The following MICAL2 variants were observed in gnomAD, a reference collection of about 807,000 sequenced individuals.
MICAL2 encodes the protein microtubule associated monooxygenase, calponin and LIM domain containing 2.
In MICAL2, 77 loss-of-function variants were observed where a neutral mutation model predicts 127.3. The observed-to-expected ratio is 0.60, with a 90% CI of 0.50 to 0.73. The LOEUF is 0.73. MICAL2 is among the 30% of genes least tolerant of loss of function. MICAL2 has a pLI of 0.00. For synonymous variants in MICAL2, 570 were observed against 551.1 expected (o/e 1.03, Z -0.48); for missense variants, 1,351 against 1,434.4 (o/e 0.94, Z 0.94).
chr11:12,132,582 G>A (rs960276214), intron 1 of MICAL2, among the ~76,000 whole-genome samples: 1 of 152,252 alleles, frequency 6.6e-6, no homozygotes, highest in Non-Finnish European at 1.5e-5. Context: ...AAAACAAAGA[G>A]AATAGCCATT....
At chr11:12,287,177 C>G (rs1863836254) in exon 3 of MICAL2, 1 of 398,854 alleles carries the variant, frequency 2.5e-6, no homozygotes, top group Admixed American at 4.4e-5. Context: ...GAGTCACTAG[C>G]TCTCTGGGGG....
At chr11:12,281,031 C>T (rs745782444) in exon 2 of MICAL2, 17 of 399,168 alleles carry the variant, frequency 4.3e-5, no homozygotes, top group African/African-American at 3.1e-4. Context: ...CTACCGCACA[C>T]GTCCCTAGGG....
intron 3 of MICAL2, among the ~76,000 whole-genome samples, chr11:12,175,430 T>A (rs1005664399): frequency 6.6e-6 from 1 of 150,854 alleles, no homozygotes; most frequent in South Asian, 2.1e-4. Context: ...GAGCCGAGAT[T>A]GCGCCACTCC....
At chr11:12,166,387 A>G (rs1367272318) in intron 3 of MICAL2, among the ~76,000 whole-genome samples, 4 of 152,232 alleles carry the variant, frequency 2.6e-5, no homozygotes, top group Non-Finnish European at 5.9e-5. Flanking sequence ...GATAGTTTGG[A>G]AGATGAATAA....
chr11:12,240,714 C>T (rs1029202490), intron 17 of MICAL2, among the ~76,000 whole-genome samples: 31 of 152,222 alleles, frequency 2.0e-4, no homozygotes, highest in African/African-American at 7.5e-4. Flanking sequence ...GCCAGCCACC[C>T]TGGCCTAGCC....
intron 3 of MICAL2, among the ~76,000 whole-genome samples, chr11:12,166,140 A>C (rs1248796616): frequency 6.6e-6 from 1 of 152,178 alleles, no homozygotes; most frequent in East Asian, 1.9e-4. Context: ...ATAATCACAA[A>C]ATTTTGGACT....
chr11:12,346,907 A>G (rs1382773271), intron 32 of MICAL2, among the ~76,000 whole-genome samples: 1 of 152,136 alleles, frequency 6.6e-6, no homozygotes, highest in South Asian at 2.1e-4. Context: ...TCCCTTTCTC[A>G]CTTTAGTCCT....
At chr11:12,252,052 C>G (rs1861621096) in intron 22 of MICAL2, among the ~76,000 whole-genome samples, 1 of 152,184 alleles carries the variant, frequency 6.6e-6, no homozygotes, top group Non-Finnish European at 1.5e-5. Flanking sequence ...GGCAGTCACA[C>G]AAGGGGCTGG....
intron 7 of MICAL2, among the ~76,000 whole-genome samples, chr11:12,214,527 G>A (rs1386175817): frequency 6.6e-6 from 1 of 152,202 alleles, no homozygotes; most frequent in African/African-American, 2.4e-5. Context: ...TCAAATTGAT[G>A]TATTGTCACT....
intron 1 of MICAL2, among the ~76,000 whole-genome samples, chr11:12,120,213 T>C (rs1850392829): frequency 1.3e-5 from 2 of 152,208 alleles, no homozygotes; most frequent in Non-Finnish European, 2.9e-5. Context: ...AGCCCTTTGT[T>C]AAAAATACAG....
chr11:12,225,647 C>A (rs1857326596), intron 13 of MICAL2: 1 of 156,044 alleles, frequency 6.4e-6, no homozygotes, highest in Admixed American at 6.3e-5. Flanking sequence ...ACCACCACAC[C>A]CGGCTAATTT....
intron 26 of MICAL2, chr11:12,261,740 AG>A (rs1191239020): frequency 1.0e-6 from 1 of 985,350 alleles, no homozygotes; most frequent in African/African-American, 1.7e-5. Context: ...TGGGAAAAAC[AG>A]AGGCATGGCC....
At chr11:12,209,938 T>C (rs2134170932) in intron 6 of MICAL2, among the ~76,000 whole-genome samples, 1 of 152,234 alleles carries the variant, frequency 6.6e-6, no homozygotes, top group Non-Finnish European at 1.5e-5. Flanking sequence ...AAAATGAACA[T>C]CCATTATTGA....
chr11:12,239,323 A>G (rs1382643716), intron 16 of MICAL2, 113 bp from the exon 17 acceptor site: 6 of 1,444,838 alleles, frequency 4.2e-6, no homozygotes, highest in East Asian at 4.6e-5. Context: ...TCCTCAGACC[A>G]TGGAGGGAGC....
At chr11:12,208,728 G>C (rs907317930) in intron 5 of MICAL2, among the ~76,000 whole-genome samples, 1 of 152,236 alleles carries the variant, frequency 6.6e-6, no homozygotes, top group Non-Finnish European at 1.5e-5. Context: ...ACCATGGTCA[G>C]AGAGTTTATT....
At chr11:12,276,135 G>C (rs1327382172) in exon 1 of MICAL2, 1 of 399,246 alleles carries the variant, frequency 2.5e-6, no homozygotes, top group East Asian at 3.6e-5. Context: ...TGTGCTGGCT[G>C]TGCGTGTCCT....
intron 31 of MICAL2, among the ~76,000 whole-genome samples, chr11:12,326,142 C>G (rs1192000310): frequency 6.6e-6 from 1 of 152,050 alleles, no homozygotes; most frequent in East Asian, 1.9e-4. Flanking sequence ...ACTTGTGATT[C>G]CAGGGGAGAT....
chr11:12,189,310 T>C (rs1858757118), intron 3 of MICAL2, among the ~76,000 whole-genome samples: 1 of 152,164 alleles, frequency 6.6e-6, no homozygotes, highest in African/African-American at 2.4e-5. Flanking sequence ...TTGTTTTGTT[T>C]TTGTTTTTGT....
chr11:12,314,258 C>T (rs1383562361), intron 29 of MICAL2, among the ~76,000 whole-genome samples: 1 of 151,322 alleles, frequency 6.6e-6, no homozygotes, highest in African/African-American at 2.4e-5. Flanking sequence ...TTTCTCTTTT[C>T]TTGCTTTATT....
Sources: allele counts gnomAD v4.1 joint callset (sites outside exome capture counted in the v4.1 genomes callset), GRCh38; gene constraint gnomAD v4.1.1; transcripts MANE v1.5; gene names NCBI Gene and HGNC (gene_info 2026-07-23, HGNC 2026-07-21).